Variants in TNIK observed in about 807,000 individuals in gnomAD.
TNIK encodes the protein TRAF2 and NCK interacting kinase.
In TNIK, 49 loss-of-function variants were observed where a neutral mutation model predicts 191.3. That is an observed-to-expected ratio of 0.26 (90% CI 0.20 to 0.32). The LOEUF is 0.32. Among genes scored for constraint, TNIK ranks in the 10% least tolerant of loss-of-function variants. TNIK has a pLI of 1.00. For missense variants in TNIK, 1,155 were observed against 1,702.3 expected (o/e 0.68, Z 5.66); for synonymous variants, 594 against 600.9 (o/e 0.99, Z 0.17).
chr3:171,395,080 G>T (rs919711792), intron 1 of TNIK, among the ~76,000 whole-genome samples: 16 of 152,232 alleles, frequency 1.1e-4, no homozygotes, highest in East Asian at 9.6e-4. Context: ...AAGAAAAAAC[G>T]ATTGAGATTC....
intron 2 of TNIK, among the ~76,000 whole-genome samples, chr3:171,344,722 G>T (rs187850839): frequency 1.5e-5 from 2 of 131,812 alleles, no homozygotes; most frequent in South Asian, 2.7e-4. Context: ...ACAACATTAC[G>T]AAATTCTCGT....
chr3:171,342,507 A>T (rs540446704), intron 2 of TNIK, among the ~76,000 whole-genome samples: 23 of 152,288 alleles, frequency 1.5e-4, no homozygotes, highest in South Asian at 2.1e-4. Flanking sequence ...TCCTTTCAAA[A>T]AACAAAAAAA....
chr3:171,186,308 A>G (rs974110358), intron 7 of TNIK, among the ~76,000 whole-genome samples: 3 of 152,258 alleles, frequency 2.0e-5, no homozygotes, highest in South Asian at 2.1e-4. Context: ...GTAAAACTGT[A>G]TAAGTGGATT....
chr3:171,401,115 A>C (rs1469142855), intron 1 of TNIK, among the ~76,000 whole-genome samples: 1 of 152,138 alleles, frequency 6.6e-6, no homozygotes, highest in Non-Finnish European at 1.5e-5. Context: ...AGTCCTGAAG[A>C]AAACAAAAAA....
rs981373901 is a variant in TNIK, at chr3:171,332,548, G to A, written c.123+37072C>T. On this transcript the variant is annotated intron_variant, in intron 2 of 32. Transcript: ENST00000436636. ...AGCTTCACACACCACGGCACTTCCTGGGAAGAACCTCAGGACAGAATATCT... is the reference window on the plus strand; with the variant it reads ...AGCTTCACACACCACGGCACTTCCTAGGAAGAACCTCAGGACAGAATATCT... Among the ~76,000 whole-genome samples, 12 of 152,180 alleles carry A rather than the reference G, an allele frequency of 7.9e-5. 1 individual carries two copies. Among genetic ancestry groups the A allele is most frequent in the Non-Finnish European group, 1.0e-4 (7 of 68,030 alleles).
intron 2 of TNIK, among the ~76,000 whole-genome samples, chr3:171,251,623 C>T (rs556912434): frequency 1.3e-5 from 2 of 152,270 alleles, no homozygotes; most frequent in African/African-American, 4.8e-5. Flanking sequence ...TTATCAAGAA[C>T]CTGTATTCCA....
intron 1 of TNIK, among the ~76,000 whole-genome samples, chr3:171,403,192 A>C (rs912909919): frequency 6.6e-6 from 1 of 152,224 alleles, no homozygotes; most frequent in Non-Finnish European, 1.5e-5. Context: ...CCCCAACAAG[A>C]TGAAACAGAT....
rs964272514 is a variant in TNIK at position 171,460,118 on chromosome 3, G to A, written c.-55C>T. On this transcript the variant is annotated 5_prime_UTR_variant, in exon 1 of 33. Coordinates refer to ENST00000436636, the MANE Select transcript of TNIK (RefSeq NM_015028.4). This position sits in a 1 kb window ranked among gnomAD's most constrained non-coding sequence, Gnocchi z 6.8. ...AAACCACCCCGAAGCTTTTCCCTTG[G>A]AAATTCCACCTTGGTCTATTTCACT... is the stretch of plus-strand genomic sequence containing the variant. 2 of 1,564,612 alleles carry A rather than the reference G, an allele frequency of 1.3e-6. No homozygotes were observed. The highest frequency in any genetic ancestry group is 1.9e-5 in the Admixed American group (1 of 53,010).
intron 12 of TNIK, among the ~76,000 whole-genome samples, chr3:171,156,981 T>C (rs1301484466): frequency 6.6e-6 from 1 of 152,170 alleles, no homozygotes; most frequent in African/African-American, 2.4e-5. Flanking sequence ...CAGATATTTA[T>C]GAGGCACCTA....
At chr3:171,070,737 C>T (rs968767769) in intron 29 of TNIK, among the ~76,000 whole-genome samples, 1 of 152,168 alleles carries the variant, frequency 6.6e-6, no homozygotes. Context: ...TGCAGAGAAA[C>T]TAGGTCATTT....
At chr3:171,243,115 T>C (rs1461284950) in intron 2 of TNIK, among the ~76,000 whole-genome samples, 4 of 152,222 alleles carry the variant, frequency 2.6e-5, no homozygotes, top group African/African-American at 4.8e-5. Flanking sequence ...ATACTTGTTA[T>C]GCCTGTTTTC....
At chr3:171,103,499 C>T (rs28558937) in intron 21 of TNIK, among the ~76,000 whole-genome samples, 12,040 of 151,938 alleles carry the variant, frequency 0.079, 1,566 homozygotes, top group African/African-American at 0.27. Flanking sequence ...TCTTGAGTAC[C>T]ATGGGAAAAT....
At chr3:171,216,277 T>C (rs1401686151) in intron 3 of TNIK, among the ~76,000 whole-genome samples, 1 of 152,202 alleles carries the variant, frequency 6.6e-6, no homozygotes, top group East Asian at 1.9e-4. Context: ...AATATATAGC[T>C]GACAAAAACT....
chr3:171,196,965 C>T (rs1052638624), intron 4 of TNIK, among the ~76,000 whole-genome samples: 3 of 152,112 alleles, frequency 2.0e-5, no homozygotes, highest in Admixed American at 6.5e-5. Flanking sequence ...CCATGTTAGC[C>T]GGGATGGTCT....
intron 2 of TNIK, among the ~76,000 whole-genome samples, chr3:171,257,949 C>T (rs1747085864): frequency 6.6e-6 from 1 of 152,178 alleles, no homozygotes; most frequent in South Asian, 2.1e-4. Context: ...AGGTACAAGT[C>T]ACAGAGCCTT....
rs978207390 is a variant in TNIK at position 171,314,662 on chromosome 3, A to C, written c.123+54958T>G. Among the ~76,000 whole-genome samples, 4 of 152,158 alleles carry C rather than the reference A, an allele frequency of 2.6e-5. No homozygotes were observed. In the East Asian group the frequency reaches 7.7e-4, roughly 29 times the overall value. On this transcript the variant is annotated intron_variant, in intron 2 of 32. Coordinates refer to ENST00000436636, the MANE Select transcript of TNIK (RefSeq NM_015028.4). ...GCATGCCTGCTGGGTGAGTGTGGTT[A>C]CCTGTCCTCCAAAACCTCATAATCT...
chr3:171,374,896 A>G (rs1196727504), intron 1 of TNIK, among the ~76,000 whole-genome samples: 4 of 152,208 alleles, frequency 2.6e-5, no homozygotes, highest in Non-Finnish European at 5.9e-5. Flanking sequence ...TTTGTTTTAC[A>G]GATTAGGAAA....
intron 2 of TNIK, among the ~76,000 whole-genome samples, chr3:171,270,079 T>A (rs1223920856): frequency 1.3e-5 from 2 of 152,136 alleles, no homozygotes; most frequent in African/African-American, 4.8e-5. Context: ...TTTACACACT[T>A]ACTTTGAGCA....
chr3:171,205,365 T>A (rs1432451610), intron 4 of TNIK, among the ~76,000 whole-genome samples: 1 of 152,242 alleles, frequency 6.6e-6, no homozygotes, highest in Non-Finnish European at 1.5e-5. Context: ...CTAGAAGGGA[T>A]GGTCAGAGCA....
Sources: gnomAD v4.1 joint callset for allele counts (sites outside exome capture counted in the v4.1 genomes callset) on GRCh38, gnomAD v4.1.1 for gene constraint, Gnocchi (gnomAD v3.1) non-coding constraint, MANE v1.5 for transcripts, NCBI Gene and HGNC (gene_info 2026-07-23, HGNC 2026-07-21) for gene names.